The following RBM41 variants were observed in gnomAD, a reference collection of about 807,000 sequenced individuals.
RBM41 encodes the protein RNA-binding protein 41.
RBM41 carries 14 observed loss-of-function variants against 30.8 expected under a neutral mutation model. The ratio of observed to expected loss-of-function variants is 0.45; its 90% CI spans 0.30 to 0.71. The LOEUF (loss-of-function observed/expected upper bound fraction) is 0.71, where lower values mean the gene tolerates loss of function less well. RBM41 is among the 30% of genes least tolerant of loss of function. The probability of loss-of-function intolerance (pLI) is 0.08; values close to 1 mark genes in which losing one functional copy is unlikely to be tolerated. For missense variants in RBM41, 276 were observed against 326.3 expected (o/e 0.85, Z 1.19); for synonymous variants, 120 against 110.1 (o/e 1.09, Z -0.56).
intron 6 of RBM41, among the ~76,000 whole-genome samples, chrX:107,079,435 T>C (rs6622146): frequency 0.3 from 33,579 of 110,808 alleles, 4,813 homozygotes; most frequent in African/African-American, 0.54. Flanking sequence ...AACCAGTACC[T>C]GCCATGGGAA....
At chrX:107,093,001 G>A (rs983475385) in intron 5 of RBM41, among the ~76,000 whole-genome samples, 5 of 111,834 alleles carry the variant, frequency 4.5e-5, no homozygotes, top group African/African-American at 6.5e-5. Flanking sequence ...ATTCTGGTAC[G>A]TTTATATGAT....
In RBM41 at chrX:107,067,689, C is replaced by T; in HGVS notation, c.1152G>A (p.Lys384=). Residue 384 remains lysine (K), a synonymous_variant, in exon 8 of 8, where the codon AAG becomes AAA. Transcript: ENST00000685964. ...GATGCAATGCTTGCCATGCTATCTC[C>T]TTATCTAAAAGAGAAAGAAAAAATT... ...RGQAFITFPN[K]EIAWQALHLV... The T allele has an allele frequency of 1.7e-6, 2 of 1,197,250 alleles. No homozygotes were observed. The highest frequency in any genetic ancestry group is 1.8e-5 in the South Asian group (1 of 54,105).
At chrX:107,054,010 C>T in the RBM41 span, among the ~76,000 whole-genome samples, 1 of 110,565 alleles carries the variant, frequency 9.0e-6, no homozygotes, top group Non-Finnish European at 1.9e-5. Context: ...TCCAGGAAGC[C>T]GCGTTCTTCA....
At position 107,092,366 on chromosome X, in the gene RBM41, A is replaced by G. The variant is rs768170708; in HGVS notation, c.596-3527T>C. 9.0e-5 allele frequency among the ~76,000 whole-genome samples: 10 copies of G among 111,515 alleles called. No homozygotes were observed. The South Asian group carries it at 3.7e-3, about 41-fold the overall frequency. On this transcript the variant is annotated intron_variant, in intron 5 of 7. Coordinates refer to ENST00000685964, the MANE Select transcript of RBM41 (RefSeq NM_001324242.2). ...ATACATGAATAACTCCTACAAATCA[A>G]TAAGAAAAAGATGAACAACCATTAG... is the stretch of plus-strand genomic sequence containing the variant.
chrX:107,111,952 G>A (rs1335449523), intron 5 of RBM41, among the ~76,000 whole-genome samples: 3 of 111,262 alleles, frequency 2.7e-5, no homozygotes, highest in Non-Finnish European at 5.7e-5. Flanking sequence ...GAGATGGATG[G>A]CTGTGATAGT....
Position 107,067,688 on chromosome X carries a change from C to T in RBM41, c.1153G>A (p.Glu385Lys). The change falls in exon 8 of 8, where the codon GAG becomes AAG. Residue 385 changes from glutamate to lysine, a missense_variant. Coordinates refer to ENST00000685964, the MANE Select transcript of RBM41 (RefSeq NM_001324242.2). ...GQAFITFPNK[E>K]IAWQALHLVN... is the part of the protein sequence containing the mutation. Reference sequence around the variant, plus strand: ...AGATGCAATGCTTGCCATGCTATCTCCTTATCTAAAAGAGAAAGAAAAAAT... The same window carrying T: ...AGATGCAATGCTTGCCATGCTATCTTCTTATCTAAAAGAGAAAGAAAAAAT... 8.4e-7 allele frequency: 1 copy of T among 1,197,477 alleles called. No individual in the cohort carries two copies. The highest frequency in any genetic ancestry group is 1.1e-6 in the Non-Finnish European group (1 of 889,517).
At chrX:107,086,773 G>C (rs1203493872) in intron 6 of RBM41, among the ~76,000 whole-genome samples, 1 of 111,915 alleles carries the variant, frequency 8.9e-6, no homozygotes, top group Non-Finnish European at 1.9e-5. Context: ...GATAATACTT[G>C]TTGCAGAATT....
intron 5 of RBM41, among the ~76,000 whole-genome samples, chrX:107,100,886 G>T (rs981547852): frequency 4.5e-5 from 5 of 111,993 alleles, no homozygotes; most frequent in Non-Finnish European, 9.4e-5. Flanking sequence ...ATAAACTATG[G>T]TATGTTCATA....
rs147094415 is a variant in RBM41 at position 107,115,487 on chromosome X, C to G, written c.388G>C (p.Glu130Gln). Residue 130 changes from glutamate (E) to glutamine (Q), a missense_variant, in exon 4 of 8, where the codon GAG becomes CAG. Coordinates refer to ENST00000685964, the MANE Select transcript of RBM41 (RefSeq NM_001324242.2). ...GGCAGGCAAAGAATGCGCTGACGCTCCGAGATCCTTTCTTCAATATCTTGA... is the reference window on the plus strand; with the variant it reads ...GGCAGGCAAAGAATGCGCTGACGCTGCGAGATCCTTTCTTCAATATCTTGA... ...RLQDIEERIS[E>Q]RQRILCLPQR... 2.5e-4 allele frequency: 307 copies of G among 1,209,918 alleles called. No individual in the cohort carries two copies. Among genetic ancestry groups the G allele is most frequent in the Non-Finnish European group, 3.2e-4 (289 of 895,198 alleles).
At chrX:107,097,495 A>G (rs1923081883) in intron 5 of RBM41, among the ~76,000 whole-genome samples, 1 of 110,815 alleles carries the variant, frequency 9.0e-6, no homozygotes, top group Admixed American at 9.6e-5. Flanking sequence ...ACAAGATCTG[A>G]TGGTTTTATA....
rs1935700820 is a variant in RBM41, at chrX:107,063,111, CAG to C, written c.*4414_*4415del. On this transcript the variant is annotated 3_prime_UTR_variant, in exon 8 of 8. Transcript: ENST00000685964. ...TACAATTCCTGGTTTTTAGTATATT[CAG>C]AGTTGTGAAATCACCACCACGACCA... 9.0e-6 allele frequency among the ~76,000 whole-genome samples: 1 copy of C among 111,325 alleles called. No individual in the cohort carries two copies. Among genetic ancestry groups the C allele is most frequent in the Non-Finnish European group, 1.9e-5 (1 of 53,088 alleles).
chrX:107,072,998 C>G (rs1286171736), intron 6 of RBM41, among the ~76,000 whole-genome samples: 1 of 111,078 alleles, frequency 9.0e-6, no homozygotes, highest in Non-Finnish European at 1.9e-5. Context: ...CAACTCAAAA[C>G]AGATCAAAGA....
chrX:107,053,927 G>A, the RBM41 span, among the ~76,000 whole-genome samples: 2 of 103,852 alleles, frequency 1.9e-5, no homozygotes, highest in East Asian at 3.1e-4. Flanking sequence ...TAGCAGTTGC[G>A]GGGCATATGG....
chrX:107,058,838 T>C (rs981443030), downstream of RBM41, among the ~76,000 whole-genome samples: 12 of 111,498 alleles, frequency 1.1e-4, no homozygotes, highest in Admixed American at 7.6e-4. Flanking sequence ...CTCTTCCAGG[T>C]TGCAGACTAC....
At chrX:107,058,293 CAAA>C (rs201428990), downstream of RBM41, among the ~76,000 whole-genome samples, 2,877 of 45,544 alleles carry the variant, frequency 0.063, 138 homozygotes, top group African/African-American at 0.18. Flanking sequence ...AACTCCGTCT[CAAA>C]AAAAAAAAAA....
chrX:107,069,865 TTA>T (rs1935984682), intron 6 of RBM41: 1 of 84,762 alleles, frequency 1.2e-5, no homozygotes, highest in East Asian at 4.2e-4. Context: ...CTATAGGCAC[TTA>T]AAAAAAAAAA....
intron 7 of RBM41, 76 bp downstream of exon 7, chrX:107,069,179 C>G: frequency 1.1e-6 from 1 of 907,036 alleles, no homozygotes; most frequent in Non-Finnish European, 1.5e-6. Context: ...AGGACTATAT[C>G]TAAATTAGAG....
intron 5 of RBM41, among the ~76,000 whole-genome samples, chrX:107,090,204 T>C (rs926916609): frequency 9.1e-6 from 1 of 110,460 alleles, no homozygotes; most frequent in East Asian, 2.8e-4. Flanking sequence ...TGAAACCCCA[T>C]CTCTACTAAA....
chrX:107,074,703 T>C (rs1936174480), intron 6 of RBM41, among the ~76,000 whole-genome samples: 1 of 111,519 alleles, frequency 9.0e-6, no homozygotes, highest in Non-Finnish European at 1.9e-5. Context: ...AGAAAGAACT[T>C]AACCAAGGAG....
Sources: gnomAD v4.1 joint callset for allele counts (sites outside exome capture counted in the v4.1 genomes callset) on GRCh38, gnomAD v4.1.1 for gene constraint, MANE v1.5 for transcripts, NCBI Gene and HGNC (gene_info 2026-07-23, HGNC 2026-07-21) for gene names.